TENM2: variants seen among roughly 807,000 people sequenced by gnomAD.
The protein encoded by TENM2 is teneurin transmembrane protein 2.
Under a neutral mutation model 245.2 loss-of-function variants are expected in TENM2, and 52 were observed. The ratio of observed to expected loss-of-function variants is 0.21; its 90% CI spans 0.17 to 0.27. The LOEUF (loss-of-function observed/expected upper bound fraction) is 0.27. Among genes scored for constraint, TENM2 ranks in the 10% least tolerant of loss-of-function variants. The pLI is 1.00. For synonymous variants in TENM2, 1,363 were observed against 1,438.9 expected, an observed-to-expected ratio of 0.95 and a Z score of 1.19; for missense variants, 3,046 against 3,666.8, an observed-to-expected ratio of 0.83 and a Z score of 4.37.
At chr5:168,041,332 G>A (rs1029227864) in intron 5 of TENM2, among the ~76,000 whole-genome samples, 4 of 152,020 alleles carry the variant, frequency 2.6e-5, no homozygotes, top group Non-Finnish European at 4.4e-5. Context: ...AAAAGTAAAC[G>A]TTCATCTTCT....
intron 2 of TENM2, among the ~76,000 whole-genome samples, chr5:167,478,548 C>T (rs903136484): frequency 2.0e-5 from 3 of 152,088 alleles, no homozygotes; most frequent in African/African-American, 4.8e-5. Flanking sequence ...ATCCACCAGC[C>T]GGATATGGCT....
the TENM2 span, among the ~76,000 whole-genome samples, chr5:167,189,749 ATTATT>A: frequency 6.6e-5 from 10 of 152,090 alleles, no homozygotes; most frequent in Admixed American, 6.6e-4. Flanking sequence ...GTAGCCATAT[ATTATT>A]TTATCAAATG....
At chr5:168,162,850 G>T in intron 13 of TENM2, 93 bp downstream of exon 15, 1 of 1,406,234 alleles carries the variant, frequency 7.1e-7, no homozygotes, top group Admixed American at 1.8e-5. Flanking sequence ...GACCTCCCCT[G>T]CACTATTGTC....
intron 12 of TENM2, among the ~76,000 whole-genome samples, chr5:168,144,063 T>C (rs1196187337): frequency 6.6e-6 from 1 of 151,764 alleles, no homozygotes; most frequent in African/African-American, 2.4e-5. Flanking sequence ...TTCGCCATGT[T>C]GGTCTGGCTG....
intron 3 of TENM2, among the ~76,000 whole-genome samples, chr5:167,916,713 A>T (rs1322171308): frequency 6.6e-6 from 1 of 152,114 alleles, no homozygotes; most frequent in Admixed American, 6.5e-5. Flanking sequence ...AGAGGAAGGG[A>T]GGGAGGCCCC....
chr5:168,073,288 C>T (rs1791182169), intron 7 of TENM2, among the ~76,000 whole-genome samples: 1 of 152,116 alleles, frequency 6.6e-6, no homozygotes, highest in African/African-American at 2.4e-5. Context: ...AGTTGGCCAC[C>T]ACTTTTAACC....
chr5:167,368,734 G>A (rs958490501), intron 1 of TENM2, among the ~76,000 whole-genome samples: 1 of 152,046 alleles, frequency 6.6e-6, no homozygotes, highest in Admixed American at 6.6e-5. Context: ...GTGAGGAAGG[G>A]GGTGCAGTGA....
At chr5:167,470,948 C>A (rs1766987851) in intron 2 of TENM2, among the ~76,000 whole-genome samples, 1 of 152,100 alleles carries the variant, frequency 6.6e-6, no homozygotes, top group African/African-American at 2.4e-5. Context: ...GCCAAAGGGT[C>A]TGTGTTCTTT....
At chr5:167,007,533 C>T in the TENM2 span, among the ~76,000 whole-genome samples, 3 of 152,224 alleles carry the variant, frequency 2.0e-5, no homozygotes, top group Admixed American at 6.5e-5. The surrounding 1 kb of genome is among the most constrained non-coding windows in gnomAD (Gnocchi z 4.2). Flanking sequence ...TCTTTCCCAT[C>T]CCTGCTGTCC....
At chr5:167,101,867 A>ATATATATATGCACT in the TENM2 span, among the ~76,000 whole-genome samples, 11 of 128,748 alleles carry the variant, frequency 8.5e-5, no homozygotes, top group Non-Finnish European at 1.5e-4. Context: ...ATATATATAT[A>ATATATATATGCACT]TATATATATG....
intron 2 of TENM2, among the ~76,000 whole-genome samples, chr5:167,706,327 A>G (rs1263276033): frequency 6.8e-6 from 1 of 147,834 alleles, no homozygotes; most frequent in Admixed American, 6.8e-5. Context: ...GAAAATATAT[A>G]TTAGAAAATG....
intron 2 of TENM2, among the ~76,000 whole-genome samples, chr5:167,672,937 C>G (rs570859592): frequency 6.7e-6 from 1 of 150,374 alleles, no homozygotes; most frequent in African/African-American, 2.4e-5. Context: ...AAGATGATTT[C>G]TCGAACTCTT....
At chr5:167,099,049 T>C in the TENM2 span, among the ~76,000 whole-genome samples, 1 of 152,216 alleles carries the variant, frequency 6.6e-6, no homozygotes, top group East Asian at 1.9e-4. Context: ...ACAAAATATG[T>C]AGTTTTTTAA....
At chr5:167,698,102 A>G (rs1486680365) in intron 2 of TENM2, among the ~76,000 whole-genome samples, 1 of 152,142 alleles carries the variant, frequency 6.6e-6, no homozygotes, top group Non-Finnish European at 1.5e-5. Context: ...TACTCATTGT[A>G]TGCACTGATC....
chr5:167,733,480 C>T (rs1337667681), intron 2 of TENM2, among the ~76,000 whole-genome samples: 1 of 152,110 alleles, frequency 6.6e-6, no homozygotes, highest in South Asian at 2.1e-4. Context: ...ATACTCAATA[C>T]CAGCATACTA....
At chr5:167,491,150 T>C (rs779469284) in intron 2 of TENM2, among the ~76,000 whole-genome samples, 5 of 152,106 alleles carry the variant, frequency 3.3e-5, no homozygotes, top group Non-Finnish European at 7.4e-5. Context: ...GAATTAAAAT[T>C]GTGAACCATT....
At chr5:168,141,697 T>G (rs1182236362) in intron 12 of TENM2, among the ~76,000 whole-genome samples, 1 of 152,214 alleles carries the variant, frequency 6.6e-6, no homozygotes, top group Non-Finnish European at 1.5e-5. Context: ...TAAAAAGCCA[T>G]TTCTTTATAT....
At chr5:167,834,877 C>G (rs1768842573) in intron 2 of TENM2, among the ~76,000 whole-genome samples, 1 of 152,126 alleles carries the variant, frequency 6.6e-6, no homozygotes, top group South Asian at 2.1e-4. Context: ...GTCTCGATCT[C>G]CTGACCTCGT....
chr5:167,916,871 C>T (rs956274207), intron 3 of TENM2, among the ~76,000 whole-genome samples: 1 of 152,250 alleles, frequency 6.6e-6, no homozygotes, highest in Non-Finnish European at 1.5e-5. Flanking sequence ...CACAGAACAG[C>T]AGCAGCCGCA....
Sources: allele counts gnomAD v4.1 joint callset (sites outside exome capture counted in the v4.1 genomes callset), GRCh38; gene constraint gnomAD v4.1.1; non-coding constraint Gnocchi (gnomAD v3.1); transcripts MANE v1.5; gene names NCBI Gene and HGNC (gene_info 2026-07-23, HGNC 2026-07-21).